The following GABRP variants were observed in gnomAD, a reference collection of about 807,000 sequenced individuals.
GABRP encodes the protein gamma-aminobutyric acid type A receptor subunit pi, also known as gamma-aminobutyric acid receptor subunit pi.
Under a neutral mutation model 47.8 loss-of-function variants are expected in GABRP, and 52 were observed. The observed-to-expected ratio is 1.09, with a 90% CI of 0.87 to 1.37. GABRP has a LOEUF of 1.37. Ranked by LOEUF, GABRP falls within the 40% of genes most tolerant of loss-of-function variation. The pLI, the probability that GABRP is intolerant of heterozygous loss-of-function variation, is 0.00. For synonymous variants in GABRP, 221 were observed against 205.8 expected (o/e 1.07, Z -0.63); for missense variants, 525 against 542.8 (o/e 0.97, Z 0.33).
At chr5:170,786,913 A>G (rs1765143972) in intron 1 of GABRP, among the ~76,000 whole-genome samples, 1 of 152,248 alleles carries the variant, frequency 6.6e-6, no homozygotes, top group South Asian at 2.1e-4. Context: ...GTATCTGTGG[A>G]TAAAACAACT....
At position 170,795,296 on chromosome 5, in the gene GABRP, G is replaced by A. The variant is rs1013360597; in HGVS notation, c.329G>A (p.Arg110His). ...AACAAGAGCTTCACTCTGGATGCCC[G>A]CCTCGTGGAGTTCCTCTGGGTGCCA... ...EGNKSFTLDA[R>H]LVEFLWVPDT... Residue 110 changes from arginine to histidine, a missense_variant, in exon 5 of 10, where the codon CGC (arginine) becomes CAC (histidine). By Grantham distance (29) the Arg-to-His change is conservative (BLOSUM62 0). Transcript: ENST00000265294. 7.4e-6 allele frequency: 12 copies of A among 1,613,802 alleles called. No individual in the cohort carries two copies. In the East Asian group the frequency reaches 8.9e-5, roughly 12 times the overall value.
At position 170,813,976 on chromosome 5, in the gene GABRP, T is replaced by C. The variant is rs1356231029; in HGVS notation, c.*1718T>C. On this transcript the variant is annotated 3_prime_UTR_variant, in exon 10 of 10. Transcript: ENST00000265294. ...CTGTTCTGAAACCCCACTTAAGCAT[T>C]GTTTTTATATAAAAACAATGATAAA... is the stretch of plus-strand genomic sequence containing the variant. 2.6e-5 allele frequency: 4 copies of C among 152,182 alleles called. No homozygotes were observed. Among genetic ancestry groups the C allele is most frequent in the Non-Finnish European group, 5.9e-5 (4 of 68,026 alleles). 9.4% of individuals were successfully genotyped at this position (152,182 alleles called of 1,614,324 possible).
intron 3 of GABRP, among the ~76,000 whole-genome samples, chr5:170,792,081 A>C (rs1310629030): frequency 6.6e-6 from 1 of 152,174 alleles, no homozygotes; most frequent in African/African-American, 2.4e-5. Flanking sequence ...TTAAATGTCA[A>C]CAAGAGTTTT....
At chr5:170,808,401 C>T (rs567214044) in intron 7 of GABRP, among the ~76,000 whole-genome samples, 199 bp from the exon 8 acceptor site, 1 of 152,200 alleles carries the variant, frequency 6.6e-6, no homozygotes, top group East Asian at 1.9e-4. Context: ...CCAGGTTGGA[C>T]ATAAGGCAGG....
intron 7 of GABRP, among the ~76,000 whole-genome samples, chr5:170,806,355 T>C (rs1196535074): frequency 1.3e-5 from 2 of 152,236 alleles, no homozygotes; most frequent in African/African-American, 4.8e-5. Context: ...TGTGATGTTA[T>C]ATAAAAGCAG....
In GABRP at chr5:170,812,418, T is replaced by C. The variant is rs754985947; in HGVS notation, c.*160T>C. The C allele has an allele frequency of 4.8e-6, 3 of 627,626 alleles. No individual in the cohort carries two copies. The highest frequency in any genetic ancestry group is 2.9e-5 in the Admixed American group (1 of 34,232). The allele number at this position is 627,626 out of a possible 1,614,324, so 38.9% of individuals were successfully genotyped here. A position where few individuals can be genotyped will look rare whatever the true frequency, so the allele number is the denominator to read the frequency against. The stretch of plus-strand genomic sequence containing the variant: ...TCAAAGAATGAAGCTCCAACCATTG[T>C]TCTAAGCTGTGTAGAAGTCCTAGCA... On this transcript the variant is annotated 3_prime_UTR_variant, in exon 10 of 10. Transcript: ENST00000265294.
chr5:170,811,183 C>T (rs551246469), intron 9 of GABRP, among the ~76,000 whole-genome samples: 169 of 146,912 alleles, frequency 1.2e-3, no homozygotes, highest in Non-Finnish European at 2.0e-3. Context: ...TGATGTGGCA[C>T]ATTTCTCAAG....
chr5:170,809,118 G>A (rs565928273), intron 8 of GABRP, among the ~76,000 whole-genome samples: 2 of 152,028 alleles, frequency 1.3e-5, no homozygotes, highest in Non-Finnish European at 2.9e-5. Context: ...TGTATTTTTA[G>A]TAGAGATGGG....
At chr5:170,787,498 C>T (rs2127249006) in intron 1 of GABRP, among the ~76,000 whole-genome samples, 1 of 152,314 alleles carries the variant, frequency 6.6e-6, no homozygotes, top group South Asian at 2.1e-4. Context: ...CTCACATACA[C>T]ACCAGCTGGA....
At chr5:170,799,994 T>C (rs2127259426) in intron 6 of GABRP, among the ~76,000 whole-genome samples, 1 of 152,270 alleles carries the variant, frequency 6.6e-6, no homozygotes, top group South Asian at 2.1e-4. Context: ...AAAACTACTT[T>C]AAAGTTCATA....
chr5:170,800,232 G>C (rs927384697), intron 6 of GABRP, among the ~76,000 whole-genome samples: 1 of 152,182 alleles, frequency 6.6e-6, no homozygotes, highest in Non-Finnish European at 1.5e-5. Flanking sequence ...GCAAAAACAA[G>C]AAATGGGGAA....
chr5:170,790,249 T>C (rs1441532791), intron 3 of GABRP, among the ~76,000 whole-genome samples: 2 of 152,180 alleles, frequency 1.3e-5, no homozygotes, highest in African/African-American at 2.4e-5. Context: ...TTAACAAACC[T>C]GAGTTTGGCT....
chr5:170,811,603 G>A (rs568061704), intron 9 of GABRP, among the ~76,000 whole-genome samples: 1 of 152,294 alleles, frequency 6.6e-6, no homozygotes, highest in East Asian at 1.9e-4. Context: ...GTCTTGGAGG[G>A]ATTGAGGTGA....
At chr5:170,787,615 CG>C (rs3838657) in intron 1 of GABRP, among the ~76,000 whole-genome samples, 13,503 of 145,930 alleles carry the variant, frequency 0.093, 793 homozygotes, top group African/African-American at 0.15. Flanking sequence ...AAGAGAGTAC[CG>C]GGGGGGAGGC....
At position 170,805,744 on chromosome 5, in the gene GABRP, C is replaced by T. The variant is rs368617970; in HGVS notation, c.570C>T (p.Phe190=). 1 of 1,614,066 alleles carries T rather than the reference C, an allele frequency of 6.2e-7. No homozygotes were observed. Among genetic ancestry groups the T allele is most frequent in the African/African-American group, 1.3e-5 (1 of 74,932 alleles). The change falls in exon 7 of 10, where the codon TTC becomes TTT. Residue 190 remains phenylalanine (F), a synonymous_variant. Coordinates refer to ENST00000265294, the MANE Select transcript of GABRP (RefSeq NM_014211.3). The part of the protein sequence containing the change: ...SWGYDGNDVE[F]TWLRGNDSVR... ...GCTATGATGGAAATGATGTGGAGTT[C>T]ACCTGGCTGAGAGGGAACGACTCTG...
chr5:170,785,311 T>C (rs548155061), intron 1 of GABRP, among the ~76,000 whole-genome samples: 1 of 152,242 alleles, frequency 6.6e-6, no homozygotes, highest in Admixed American at 6.5e-5. Flanking sequence ...GAAAACAGAT[T>C]TAAATCATGC....
intron 7 of GABRP, among the ~76,000 whole-genome samples, chr5:170,808,068 C>T (rs1297586034): frequency 6.6e-6 from 1 of 152,198 alleles, no homozygotes; most frequent in East Asian, 1.9e-4. Context: ...AGCTCTCTAA[C>T]ACATGCCTTT....
In GABRP at chr5:170,807,974, G is replaced by GAGCAGAGCTTGGTTCATA. The variant is rs1412738302; in HGVS notation, c.680-614_680-613insTTCATAAGCAGAGCTTGG. Among the ~76,000 whole-genome samples the GAGCAGAGCTTGGTTCATA allele has an allele frequency of 3.3e-5, 5 of 152,098 alleles. No individual in the cohort carries two copies. In the East Asian group the frequency reaches 9.6e-4, roughly 29 times the overall value. ...CCTCCCCATAATAGAAGCACAGCAG[G>GAGCAGAGCTTGGTTCATA]AGCAGAGCTTGGGACTCTAACCCAT... is the stretch of plus-strand genomic sequence containing the variant. On this transcript the variant is annotated intron_variant, in intron 7 of 9. Transcript: ENST00000265294.
intron 3 of GABRP, among the ~76,000 whole-genome samples, chr5:170,792,249 C>A (rs539260221): frequency 2.7e-3 from 414 of 152,182 alleles, no homozygotes; most frequent in Non-Finnish European, 4.8e-3. Flanking sequence ...TAGAGACCAG[C>A]CTGGTCAACA....
Sources: allele counts gnomAD v4.1 joint callset (sites outside exome capture counted in the v4.1 genomes callset), GRCh38; gene constraint gnomAD v4.1.1; transcripts MANE v1.5; gene names NCBI Gene and HGNC (gene_info 2026-07-23, HGNC 2026-07-21).